KAT6B: variants seen among roughly 807,000 people sequenced by gnomAD.
KAT6B encodes lysine acetyltransferase 6B, also known as histone acetyltransferase KAT6B.
KAT6B carries 10 observed loss-of-function variants against 187.5 expected under a neutral mutation model. That is an observed-to-expected ratio of 0.05 (90% CI 0.03 to 0.09). KAT6B has a LOEUF of 0.09. Among genes scored for constraint, KAT6B ranks in the 10% least tolerant of loss-of-function variants. The pLI, the probability that KAT6B is intolerant of heterozygous loss-of-function variation, is 1.00. For missense variants in KAT6B, 1,952 were observed against 2,558.9 expected (o/e 0.76, Z 5.12); for synonymous variants, 861 against 926.8 (o/e 0.93, Z 1.29).
chr10:74,991,483 C>A (rs1843122128), intron 13 of KAT6B, among the ~76,000 whole-genome samples: 1 of 152,038 alleles, frequency 6.6e-6, no homozygotes, highest in Admixed American at 6.6e-5. Flanking sequence ...TTTTTTTAAC[C>A]ATTTTAGTGA....
Position 75,029,513 on chromosome 10 carries a change from C to T in KAT6B, c.4689C>T (p.Ala1563=), listed in dbSNP as rs766030818. ...AGGACGACACCTTTCAGGATTGTGC[C>T]GAGACTCAAGAGGCCTGTAGAAGCC... ...SEQDDTFQDC[A]ETQEACRSLQ... The change falls in exon 18 of 18, where the codon GCC becomes GCT. Residue 1563 remains alanine (A), a synonymous_variant. Transcript: ENST00000287239. This position sits in a 1 kb window ranked among gnomAD's most constrained non-coding sequence, Gnocchi z 6.2. The T allele has an allele frequency of 2.2e-5, 35 of 1,613,954 alleles. No homozygotes were observed. The highest frequency in any genetic ancestry group is 1.6e-4 in the Middle Eastern group (1 of 6,084).
At chr10:74,869,571 C>A (rs1843772865) in intron 3 of KAT6B, among the ~76,000 whole-genome samples, 1 of 152,206 alleles carries the variant, frequency 6.6e-6, no homozygotes, top group Non-Finnish European at 1.5e-5. Context: ...CAGGCGTGAG[C>A]CACCACGCCT....
At chr10:75,015,009 A>G (rs901954827) in intron 13 of KAT6B, among the ~76,000 whole-genome samples, 2 of 152,188 alleles carry the variant, frequency 1.3e-5, no homozygotes, top group Non-Finnish European at 2.9e-5. Context: ...GTACATCAGA[A>G]TCACCTGGGG....
intron 3 of KAT6B, among the ~76,000 whole-genome samples, chr10:74,918,923 A>C (rs920515500): frequency 6.6e-6 from 1 of 152,018 alleles, no homozygotes; most frequent in Non-Finnish European, 1.5e-5. Context: ...TGTCTTTAAA[A>C]ATATTTTCTC....
chr10:75,022,081 GGAGGAGGAC>G lies in KAT6B; in HGVS notation c.3231_3239del (p.Asp1077_Glu1079del), dbSNP rs1564626155. On this transcript the variant is annotated inframe_deletion, in exon 16 of 18. Coordinates refer to ENST00000287239, the MANE Select transcript of KAT6B (RefSeq NM_012330.4). Reference sequence around the variant, plus strand: ...AAGAGAGCAGTGAAGAAGAAGAGGAGGAGGAGGACGAGGAGGAGGAAGAAGAGGAGGAAG... The same window carrying G: ...AAGAGAGCAGTGAAGAAGAAGAGGAGGAGGAGGAGGAAGAAGAGGAGGAAG... 1 of 1,604,506 alleles carries G rather than the reference GGAGGAGGAC, an allele frequency of 6.2e-7. No homozygotes were observed. Among genetic ancestry groups the G allele is most frequent in the South Asian group, 1.1e-5 (1 of 90,996 alleles).
chr10:74,855,152 A>T (rs1005614787), intron 3 of KAT6B, among the ~76,000 whole-genome samples: 2 of 152,190 alleles, frequency 1.3e-5, no homozygotes, highest in Admixed American at 1.3e-4. Flanking sequence ...TAGCCTGGTG[A>T]ATTTAGATAA....
intron 2 of KAT6B, among the ~76,000 whole-genome samples, chr10:74,839,421 G>A (rs1172867208): frequency 1.3e-5 from 2 of 151,692 alleles, no homozygotes; most frequent in East Asian, 2.0e-4. Context: ...TAGTAGAGAC[G>A]GGGTTTCACC....
chr10:74,989,580 G>A (rs948338620), intron 13 of KAT6B, among the ~76,000 whole-genome samples: 2 of 152,134 alleles, frequency 1.3e-5, no homozygotes, highest in Non-Finnish European at 2.9e-5. Flanking sequence ...CTTGCTAGTA[G>A]AAATAACTCT....
At chr10:74,989,610 C>G (rs1045457626) in intron 13 of KAT6B, among the ~76,000 whole-genome samples, 1 of 152,104 alleles carries the variant, frequency 6.6e-6, no homozygotes, top group Non-Finnish European at 1.5e-5. Context: ...TTGTTAATTT[C>G]CCTTTTCTAT....
chr10:74,862,433 G>C (rs933911490), intron 3 of KAT6B, among the ~76,000 whole-genome samples: 1 of 152,164 alleles, frequency 6.6e-6, no homozygotes, highest in African/African-American at 2.4e-5. Flanking sequence ...ATTACTGGAG[G>C]AGCTTTTAAA....
At chr10:74,964,892 A>G (rs1374518378) in intron 4 of KAT6B, among the ~76,000 whole-genome samples, 1 of 152,228 alleles carries the variant, frequency 6.6e-6, no homozygotes, top group Non-Finnish European at 1.5e-5. Context: ...CATAATATGT[A>G]TCTTGAATGC....
In KAT6B at chr10:75,029,435, C is replaced by G. The variant is rs371945178; in HGVS notation, c.4611C>G (p.Ile1537Met). The change falls in exon 18 of 18, where the codon ATC becomes ATG. Residue 1537 changes from isoleucine to methionine, a missense_variant. Physicochemically the swap from Ile to Met is conservative, Grantham distance 10. Transcript: ENST00000287239. The surrounding 1 kb of genome is among the most constrained non-coding windows in gnomAD (Gnocchi z 6.2). Reference protein sequence around the residue: ...FKEGNPATMEIDSETVQAVQS... With the variant: ...FKEGNPATMEMDSETVQAVQS... ...AGGGAAACCCAGCAACCATGGAAAT[C>G]GACTCTGAGACTGTCCAGGCCGTTC... 1 of 1,614,098 alleles carries G rather than the reference C, an allele frequency of 6.2e-7. No individual in the cohort carries two copies. The highest frequency in any genetic ancestry group is 1.1e-5 in the South Asian group (1 of 91,076).
In KAT6B at chr10:75,020,600, G is replaced by T; in HGVS notation, c.2648G>T (p.Arg883Ile). 1 of 1,614,150 alleles carries T rather than the reference G, an allele frequency of 6.2e-7. No individual in the cohort carries two copies. Among genetic ancestry groups the T allele is most frequent in the Non-Finnish European group, 8.5e-7 (1 of 1,179,968 alleles). The part of the protein sequence containing the change: ...LIDFSYLLSR[R>I]EGQAGSPEKP... ...GCCCTAGGCTATTTGCTTTCTAGAA[G>T]AGAAGGCCAAGCAGGGTCTCCTGAA... Residue 883 changes from arginine (R) to isoleucine (I), a missense_variant, in exon 14 of 18, where the codon AGA becomes ATA. By Grantham distance (97) the Arg-to-Ile change is moderately conservative. This residue lies in a region of KAT6B where 758 missense variants were observed against 891.4 expected (regional missense o/e 0.85). Coordinates refer to ENST00000287239, the MANE Select transcript of KAT6B (RefSeq NM_012330.4).
At chr10:74,884,540 C>T (rs1007820398) in intron 3 of KAT6B, among the ~76,000 whole-genome samples, 12 of 151,856 alleles carry the variant, frequency 7.9e-5, no homozygotes, top group Admixed American at 1.3e-4. Context: ...AGATCTGATA[C>T]TAGCTGTAAG....
In KAT6B at chr10:75,029,288, G is replaced by C; in HGVS notation, c.4464G>C (p.Glu1488Asp). ...ACCTGACAGCTTCTTGTAACAGTGA[G>C]CCCAAGGAGCTTGCTGGGGACCCTG... is the stretch of plus-strand genomic sequence containing the variant. The part of the protein sequence containing the change: ...GVDLTASCNS[E>D]PKELAGDPEA... Residue 1488 changes from glutamate (E) to aspartate (D), a missense_variant, in exon 18 of 18, where the codon GAG becomes GAC. Around this residue, in one of 9 missense-constraint regions of KAT6B, gnomAD observed 758 missense variants for 891.4 expected, o/e 0.85. Coordinates refer to ENST00000287239, the MANE Select transcript of KAT6B (RefSeq NM_012330.4). This position sits in a 1 kb window ranked among gnomAD's most constrained non-coding sequence, Gnocchi z 6.2. 6.2e-7 allele frequency: 1 copy of C among 1,614,128 alleles called. No individual in the cohort carries two copies. The highest frequency in any genetic ancestry group is 1.1e-5 in the South Asian group (1 of 91,062).
intron 2 of KAT6B, among the ~76,000 whole-genome samples, chr10:74,840,823 G>GA (rs549703608): frequency 1.5e-3 from 225 of 152,240 alleles, no homozygotes; most frequent in African/African-American, 5.3e-3. Context: ...TGTACTGTTT[G>GA]AACAAGTATA....
In KAT6B at chr10:75,029,897, A is replaced by T. The variant is rs1846180016; in HGVS notation, c.5073A>T (p.Gly1691=). The change falls in exon 18 of 18, where the codon GGA becomes GGT. Residue 1691 remains glycine (G), a synonymous_variant. Transcript: ENST00000287239. The surrounding 1 kb of genome is among the most constrained non-coding windows in gnomAD (Gnocchi z 6.2). ...ENPSSYDSTM[G]GSICGNGSSQ... ...CAAGCAGCTACGATTCTACTATGGG[A>T]GGCAGCATCTGTGGAAACGGCTCTT... 6.2e-7 allele frequency: 1 copy of T among 1,614,084 alleles called. No individual in the cohort carries two copies. Among genetic ancestry groups the T allele is most frequent in the Non-Finnish European group, 8.5e-7 (1 of 1,180,046 alleles).
chr10:74,835,108 ATAC>A (rs1386448212), intron 1 of KAT6B, among the ~76,000 whole-genome samples: 1 of 152,228 alleles, frequency 6.6e-6, no homozygotes, highest in African/African-American at 2.4e-5. Context: ...AGTAAGCATA[ATAC>A]TAAGTGGGAA....
chr10:74,912,867 C>T (rs1203251171), intron 3 of KAT6B, among the ~76,000 whole-genome samples: 1 of 152,126 alleles, frequency 6.6e-6, no homozygotes, highest in Admixed American at 6.5e-5. Context: ...GTTGTGCTGG[C>T]CTGATTCCCC....
Sources: allele counts gnomAD v4.1 joint callset (sites outside exome capture counted in the v4.1 genomes callset), GRCh38; gene constraint gnomAD v4.1.1; regional missense constraint gnomAD v4.1.1; non-coding constraint Gnocchi (gnomAD v3.1); transcripts MANE v1.5; gene names NCBI Gene and HGNC (gene_info 2026-07-23, HGNC 2026-07-21).